Variants in HYAL4 observed in about 807,000 individuals in gnomAD.
The protein encoded by HYAL4 is hyaluronidase 4.
Under a neutral mutation model 35.2 loss-of-function variants are expected in HYAL4, and 37 were observed. The ratio of observed to expected loss-of-function variants is 1.05; its 90% CI spans 0.81 to 1.38. HYAL4 has a LOEUF of 1.38. HYAL4 is among the 40% of genes most tolerant of loss of function. The probability of loss-of-function intolerance (pLI) is 0.00; values close to 1 mark genes in which losing one functional copy is unlikely to be tolerated. For missense variants in HYAL4, 572 were observed against 572.4 expected (o/e 1.00, Z 0.01); for synonymous variants, 198 against 203.2 (o/e 0.97, Z 0.22).
At chr7:123,799,848 G>T in the HYAL4 span, among the ~76,000 whole-genome samples, 3 of 151,994 alleles carry the variant, frequency 2.0e-5, no homozygotes, top group Admixed American at 6.6e-5. Context: ...TTTGGTACAT[G>T]AAATCACTAT....
the HYAL4 span, among the ~76,000 whole-genome samples, chr7:123,802,666 T>C: frequency 6.6e-6 from 1 of 152,128 alleles, no homozygotes; most frequent in South Asian, 2.1e-4. Context: ...TTCAACGCCC[T>C]ATAGATCTTT....
intron 1 of HYAL4, among the ~76,000 whole-genome samples, chr7:123,847,844 C>T (rs1192126972): frequency 2.0e-5 from 3 of 152,256 alleles, no homozygotes; most frequent in East Asian, 1.9e-4. Context: ...TCTCTTTATT[C>T]TGGAAGTCTT....
intron 3 of HYAL4, among the ~76,000 whole-genome samples, chr7:123,869,576 A>G (rs933679461): frequency 1.3e-5 from 2 of 152,222 alleles, no homozygotes; most frequent in Non-Finnish European, 1.5e-5. Context: ...AGACAATCAA[A>G]AAGGATGTTT....
chr7:123,876,840 C>G lies in HYAL4; in HGVS notation c.1131C>G (p.Ser377Arg), dbSNP rs761321876. The G allele has an allele frequency of 2.5e-6, 4 of 1,614,144 alleles. No homozygotes were observed. Among genetic ancestry groups the G allele is most frequent in the Non-Finnish European group, 3.4e-6 (4 of 1,179,974 alleles). The change falls in exon 5 of 5, where the codon AGC becomes AGG. Residue 377 changes from serine to arginine, a missense_variant. Coordinates refer to ENST00000223026, the MANE Select transcript of HYAL4 (RefSeq NM_012269.3). ...TGACCAGAGCTGCTGAGGTATGCAGCCTTCACCTCTGCAGGAACAATGGCA... is the reference window on the plus strand; with the variant it reads ...TGACCAGAGCTGCTGAGGTATGCAGGCTTCACCTCTGCAGGAACAATGGCA... ...ANVTRAAEVCSLHLCRNNGRC... is the reference protein window; with the variant it reads ...ANVTRAAEVCRLHLCRNNGRC...
chr7:123,773,100 A>G, the HYAL4 span, among the ~76,000 whole-genome samples: 8 of 152,148 alleles, frequency 5.3e-5, no homozygotes, highest in African/African-American at 1.7e-4. Flanking sequence ...AATCTTGCCC[A>G]TGAAAGCTAC....
the HYAL4 span, among the ~76,000 whole-genome samples, chr7:123,799,015 A>G: frequency 6.6e-6 from 1 of 152,176 alleles, no homozygotes; most frequent in Non-Finnish European, 1.5e-5. Context: ...TTAAGATTTT[A>G]AGAGAACACT....
At chr7:123,791,914 C>T in the HYAL4 span, among the ~76,000 whole-genome samples, 1 of 152,206 alleles carries the variant, frequency 6.6e-6, no homozygotes, top group Non-Finnish European at 1.5e-5. Context: ...CAAGTCCAAG[C>T]ACGTGAAGAA....
chr7:123,872,224 G>A (rs749277205), intron 3 of HYAL4, among the ~76,000 whole-genome samples: 4 of 152,034 alleles, frequency 2.6e-5, no homozygotes, highest in African/African-American at 9.7e-5. Flanking sequence ...TTTACCCATC[G>A]TTTAGCTCCT....
chr7:123,842,577 G>A (rs1806092182), upstream of HYAL4, among the ~76,000 whole-genome samples: 1 of 151,954 alleles, frequency 6.6e-6, no homozygotes, highest in South Asian at 2.1e-4. Flanking sequence ...ATGTTGATCT[G>A]TCTAATATTG....
intron 1 of HYAL4, among the ~76,000 whole-genome samples, chr7:123,830,328 A>G (rs576542753): frequency 8.5e-5 from 13 of 152,346 alleles, no homozygotes; most frequent in African/African-American, 3.1e-4. Context: ...ATTTTCCAAG[A>G]GAAATTAGTA....
At chr7:123,797,360 A>C in the HYAL4 span, among the ~76,000 whole-genome samples, 2 of 152,238 alleles carry the variant, frequency 1.3e-5, no homozygotes, top group African/African-American at 4.8e-5. Context: ...CAGGTCCATC[A>C]CATTGCTGCT....
chr7:123,807,615 A>G, the HYAL4 span, among the ~76,000 whole-genome samples: 1 of 151,412 alleles, frequency 6.6e-6, no homozygotes, highest in South Asian at 2.1e-4. Flanking sequence ...TAATTTTTGT[A>G]TTTTTAGTAG....
the HYAL4 span, among the ~76,000 whole-genome samples, chr7:123,787,744 A>G: frequency 6.6e-6 from 1 of 152,138 alleles, no homozygotes; most frequent in South Asian, 2.1e-4. Flanking sequence ...TTTTGTCCCT[A>G]AGAGTTCAGT....
the HYAL4 span, among the ~76,000 whole-genome samples, chr7:123,817,323 C>T: frequency 2.7e-4 from 41 of 152,074 alleles, no homozygotes; most frequent in African/African-American, 3.9e-4. Context: ...TTTCCATTAT[C>T]GGATGGGTAA....
At chr7:123,803,270 T>C in the HYAL4 span, among the ~76,000 whole-genome samples, 1 of 152,158 alleles carries the variant, frequency 6.6e-6, no homozygotes, top group Non-Finnish European at 1.5e-5. Flanking sequence ...ATAAATTTTT[T>C]AAAAATTTTA....
the HYAL4 span, among the ~76,000 whole-genome samples, chr7:123,782,283 T>C: frequency 8.5e-5 from 13 of 152,162 alleles, no homozygotes; most frequent in Non-Finnish European, 1.6e-4. Flanking sequence ...AGAAATTCCA[T>C]TGTGTATTAT....
intron 1 of HYAL4, among the ~76,000 whole-genome samples, chr7:123,847,393 C>A (rs1465050186): frequency 6.6e-6 from 1 of 152,088 alleles, no homozygotes; most frequent in East Asian, 1.9e-4. Context: ...CTAGTAAATT[C>A]ATGTTGTATT....
intron 2 of HYAL4, among the ~76,000 whole-genome samples, chr7:123,849,131 TG>T: frequency 6.6e-6 from 1 of 152,246 alleles, no homozygotes; most frequent in East Asian, 1.9e-4. Flanking sequence ...TTAATAATGA[TG>T]GGGAAAATGC....
At chr7:123,862,780 G>A (rs1806603151) in intron 2 of HYAL4, among the ~76,000 whole-genome samples, 2 of 152,120 alleles carry the variant, frequency 1.3e-5, no homozygotes, top group Admixed American at 1.3e-4. Context: ...TTCCCTTAAA[G>A]GCTTGCCTCA....
Sources: gnomAD v4.1 joint callset for allele counts (sites outside exome capture counted in the v4.1 genomes callset) on GRCh38, gnomAD v4.1.1 for gene constraint, MANE v1.5 for transcripts, NCBI Gene and HGNC (gene_info 2026-07-23, HGNC 2026-07-21) for gene names.